Variants in SYT17 observed in about 807,000 individuals in gnomAD.
SYT17 encodes the protein synaptotagmin-17.
In SYT17, 22 loss-of-function variants were observed where a neutral mutation model predicts 46.7. The observed-to-expected ratio is 0.47, with a 90% CI of 0.34 to 0.67. SYT17 has a LOEUF of 0.67. Among genes scored for constraint, SYT17 ranks in the 30% least tolerant of loss-of-function variants. The pLI, the probability that SYT17 is intolerant of heterozygous loss-of-function variation, is 0.01. For missense variants in SYT17, 519 were observed against 612.8 expected (o/e 0.85, Z 1.62); for synonymous variants, 251 against 248.4 (o/e 1.01, Z -0.10).
chr16:19,186,582 C>T (rs970101154), intron 5 of SYT17, among the ~76,000 whole-genome samples: 3 of 152,262 alleles, frequency 2.0e-5, no homozygotes, highest in Admixed American at 6.5e-5. Context: ...GTCCGTCACA[C>T]TCGGGCTTCC....
chr16:19,205,127 A>G (rs890394467), intron 5 of SYT17, among the ~76,000 whole-genome samples: 5 of 152,210 alleles, frequency 3.3e-5, no homozygotes, highest in African/African-American at 1.2e-4. Flanking sequence ...AGGGGAATAC[A>G]GTAAAATAAA....
chr16:19,237,874 G>A (rs1966870241), intron 7 of SYT17, among the ~76,000 whole-genome samples: 1 of 152,230 alleles, frequency 6.6e-6, no homozygotes, highest in East Asian at 1.9e-4. Flanking sequence ...ACCCCACTAT[G>A]GCCAGAGCAG....
At chr16:19,204,545 G>A (rs184496878) in intron 5 of SYT17, among the ~76,000 whole-genome samples, 5 of 152,124 alleles carry the variant, frequency 3.3e-5, no homozygotes, top group Non-Finnish European at 7.4e-5. Context: ...GTGCTGATGA[G>A]CTAAGTTTGG....
intron 3 of SYT17, among the ~76,000 whole-genome samples, chr16:19,174,290 C>T (rs577553102): frequency 8.5e-5 from 13 of 152,210 alleles, no homozygotes; most frequent in Non-Finnish European, 1.8e-4. Context: ...GCCTGGTCCA[C>T]CTCTCCGTGA....
At chr16:19,251,853 T>C (rs1173817225) in intron 7 of SYT17, among the ~76,000 whole-genome samples, 1 of 152,114 alleles carries the variant, frequency 6.6e-6, no homozygotes, top group Non-Finnish European at 1.5e-5. Flanking sequence ...GGATTGCGCA[T>C]ACACAGGGCC....
intron 7 of SYT17, among the ~76,000 whole-genome samples, chr16:19,266,447 T>C (rs140367401): frequency 6.6e-6 from 1 of 152,344 alleles, no homozygotes; most frequent in East Asian, 1.9e-4. Flanking sequence ...GTTCCATGAT[T>C]GAGAAACCCT....
chr16:19,238,293 A>T (rs1373142480), intron 7 of SYT17, among the ~76,000 whole-genome samples: 1 of 152,228 alleles, frequency 6.6e-6, no homozygotes, highest in Non-Finnish European at 1.5e-5. Context: ...GACAAAAGGA[A>T]ATAATGTATA....
chr16:19,260,888 T>C (rs1162449357), intron 7 of SYT17, among the ~76,000 whole-genome samples: 1 of 152,222 alleles, frequency 6.6e-6, no homozygotes, highest in East Asian at 1.9e-4. Flanking sequence ...GTTATTCAAA[T>C]ACTGCAAATT....
intron 7 of SYT17, among the ~76,000 whole-genome samples, chr16:19,255,145 C>T (rs1429395970): frequency 6.6e-6 from 1 of 152,190 alleles, no homozygotes; most frequent in Non-Finnish European, 1.5e-5. Flanking sequence ...TTTCCTCCCA[C>T]CTGCTCCTGA....
intron 5 of SYT17, among the ~76,000 whole-genome samples, chr16:19,214,122 C>T (rs1304213564): frequency 6.6e-6 from 1 of 152,148 alleles, no homozygotes. Context: ...CCAGATGTTG[C>T]CAAATGTCCC....
intron 7 of SYT17, among the ~76,000 whole-genome samples, chr16:19,245,359 A>T (rs1291998228): frequency 6.6e-6 from 1 of 152,256 alleles, no homozygotes; most frequent in East Asian, 1.9e-4. Flanking sequence ...ACGGAAAATC[A>T]TCCAGCCCCA....
At position 19,183,826 on chromosome 16, in the gene SYT17, C is replaced by A. The variant is rs143824200; in HGVS notation, c.630C>A (p.Asp210Glu). 1.9e-5 allele frequency: 31 copies of A among 1,614,042 alleles called. No individual in the cohort carries two copies. Among genetic ancestry groups the A allele is most frequent in the African/African-American group, 6.7e-5 (5 of 74,934 alleles). The change falls in exon 5 of 8, where the codon GAC (aspartate) becomes GAA (glutamate). Residue 210 changes from aspartate (D) to glutamate (E), a missense_variant. By Grantham distance (45) the Asp-to-Glu change is conservative. Transcript: ENST00000355377. This position sits in a 1 kb window ranked among gnomAD's most constrained non-coding sequence, Gnocchi z 5.6. ...CCGTGCGCGTGATCGAGGCCAGGGA[C>A]CTGCCACCTCCCATCTCCCACGATG... ...HLTVRVIEAR[D>E]LPPPISHDGS...
At chr16:19,184,197 G>C (rs1438911865) in intron 5 of SYT17, 50 bp downstream of exon 5, 31 of 1,533,888 alleles carry the variant, frequency 2.0e-5, no homozygotes, top group Non-Finnish European at 2.6e-5. Context: ...TTTAAAAAGT[G>C]ATTATTTTTA....
At chr16:19,190,215 C>T (rs1255397545) in intron 5 of SYT17, among the ~76,000 whole-genome samples, 2 of 151,904 alleles carry the variant, frequency 1.3e-5, no homozygotes, top group African/African-American at 4.8e-5. Context: ...ACTAAAAATA[C>T]AAAAAATTAG....
rs1481890627 is a variant in SYT17, at chr16:19,224,902, C to T, written c.1228+64C>T. ...GCACGTCAAACTTACTGTCCTAGAG[C>T]CAGAAGGCATCTAGAGAGAGTTACA... On this transcript the variant is annotated intron_variant, in intron 7 of 7. Coordinates refer to ENST00000355377, the MANE Select transcript of SYT17 (RefSeq NM_016524.4). 4 of 1,568,592 alleles carry T rather than the reference C, an allele frequency of 2.6e-6. No homozygotes were observed. In the East Asian group the frequency reaches 9.0e-5, roughly 35 times the overall value.
At chr16:19,216,385 T>C (rs1394223974) in intron 5 of SYT17, among the ~76,000 whole-genome samples, 2 of 152,160 alleles carry the variant, frequency 1.3e-5, no homozygotes, top group South Asian at 2.1e-4. Context: ...TATTTCTTTT[T>C]TTTTTTTTTT....
At chr16:19,185,717 C>G (rs1964759884) in intron 5 of SYT17, among the ~76,000 whole-genome samples, 1 of 152,234 alleles carries the variant, frequency 6.6e-6, no homozygotes, top group Non-Finnish European at 1.5e-5. Flanking sequence ...TTGCTGGGCC[C>G]CTGTGCTCCC....
rs1184590134 is a variant in SYT17, at chr16:19,224,767, C to G, written c.1157C>G (p.Pro386Arg). The G allele has an allele frequency of 3.1e-6, 5 of 1,614,086 alleles. No individual in the cohort carries two copies. Among genetic ancestry groups the G allele is most frequent in the Non-Finnish European group, 4.2e-6 (5 of 1,179,976 alleles). The change falls in exon 7 of 8, where the codon CCT (proline) becomes CGT (arginine). Residue 386 changes from proline (P) to arginine (R), a missense_variant. Transcript: ENST00000355377. ...TCCTTCTTAAGGGGCACAATTGATC[C>G]TTTCTACAATGAATCCTTCAGCTTC... ...KTSFLRGTID[P>R]FYNESFSFKV...
At chr16:19,224,631 G>A (rs577729100) in intron 6 of SYT17, 52 bp from the exon 7 acceptor site, 32 of 1,589,866 alleles carry the variant, frequency 2.0e-5, no homozygotes, top group African/African-American at 1.7e-4. Flanking sequence ...ATGACTGGAC[G>A]GATTAGGTTT....
Sources: allele counts gnomAD v4.1 joint callset (sites outside exome capture counted in the v4.1 genomes callset), GRCh38; gene constraint gnomAD v4.1.1; non-coding constraint Gnocchi (gnomAD v3.1); transcripts MANE v1.5; gene names NCBI Gene and HGNC (gene_info 2026-07-23, HGNC 2026-07-21).